Variants in GCN1 observed in about 807,000 individuals in gnomAD.
The protein encoded by GCN1 is stalled ribosome sensor GCN1.
Under a neutral mutation model 288.4 loss-of-function variants are expected in GCN1, and 90 were observed. The observed-to-expected ratio is 0.31, with a 90% CI of 0.26 to 0.37. The LOEUF is 0.37. Ranked by LOEUF, GCN1 falls within the 10% of genes least tolerant of loss-of-function variation. The pLI is 1.00. For missense variants in GCN1, 2,586 were observed against 3,419.9 expected, an observed-to-expected ratio of 0.76 and a Z score of 6.08; for synonymous variants, 1,386 against 1,420.2, an observed-to-expected ratio of 0.98 and a Z score of 0.54.
rs1398896879 is a variant in GCN1 at position 120,144,596 on chromosome 12, C to A, written c.5352+43G>T. 12 of 1,576,924 alleles carry A rather than the reference C, an allele frequency of 7.6e-6. No homozygotes were observed. In the Admixed American group the frequency reaches 2.0e-4, roughly 27 times the overall value. On this transcript the variant is annotated intron_variant, in intron 41 of 57. Transcript: ENST00000300648. The surrounding 1 kb of genome is among the most constrained non-coding windows in gnomAD (Gnocchi z 4.7). ...TCTCCAGGTGAGCACTTGCCTCCTG[C>A]CCTCCTCAAGGACTCTACCCTTGCC...
At chr12:120,165,172 G>A (rs548582723) in intron 16 of GCN1, among the ~76,000 whole-genome samples, 13 of 151,792 alleles carry the variant, frequency 8.6e-5, no homozygotes, top group African/African-American at 1.2e-4. Context: ...TCGGCCTCTC[G>A]AGTAGCTGGG....
At chr12:120,176,437 A>G (rs570154829) in intron 9 of GCN1, among the ~76,000 whole-genome samples, 2 of 152,284 alleles carry the variant, frequency 1.3e-5, no homozygotes, top group South Asian at 4.1e-4. Flanking sequence ...ACATTTTACT[A>G]AGATACACAG....
chr12:120,131,303 C>T lies in GCN1; in HGVS notation c.7445G>A (p.Arg2482Gln), dbSNP rs1413328731. Residue 2482 changes from arginine (R) to glutamine (Q), a missense_variant, in exon 55 of 58, where the codon CGG becomes CAG. Arg to Gln is a conservative substitution (Grantham distance 43, BLOSUM62 1). Around this residue, in one of 8 missense-constraint regions of GCN1, gnomAD observed 355 missense variants for 431.1 expected, o/e 0.82. Transcript: ENST00000300648. ...GGAAAGTGCCAGGCTCCGCCCGTGC[C>T]GAACCATCCAGTCAATGCCGGACAC... The part of the protein sequence containing the change: ...ADVSGIDWMV[R>Q]HGRSLALSVA... 2.5e-6 allele frequency: 4 copies of T among 1,614,066 alleles called. No homozygotes were observed. Among genetic ancestry groups the T allele is most frequent in the Non-Finnish European group, 3.4e-6 (4 of 1,180,026 alleles).
chr12:120,130,422 C>T (rs1025445175), intron 56 of GCN1, among the ~76,000 whole-genome samples: 2 of 152,188 alleles, frequency 1.3e-5, no homozygotes, highest in Admixed American at 6.5e-5. Flanking sequence ...TTCAGAGTCA[C>T]GGGTCAATTT....
chr12:120,169,276 C>CA (rs35819206), intron 15 of GCN1, among the ~76,000 whole-genome samples: 26,595 of 65,562 alleles, frequency 0.41, 5,279 homozygotes, highest in South Asian at 0.55. Flanking sequence ...AACTCCGTCT[C>CA]AAAAAAAAAA....
chr12:120,181,095 G>A (rs1205181408), intron 5 of GCN1, among the ~76,000 whole-genome samples: 3 of 151,994 alleles, frequency 2.0e-5, no homozygotes, highest in Admixed American at 6.6e-5. Context: ...ATATGTACAA[G>A]GTTATTCTTT....
At chr12:120,171,495 T>C (rs906761771) in intron 14 of GCN1, among the ~76,000 whole-genome samples, 1 of 151,906 alleles carries the variant, frequency 6.6e-6, no homozygotes, top group Non-Finnish European at 1.5e-5. Flanking sequence ...CAAGCACATG[T>C]TTTCTTCCCC....
chr12:120,141,124 C>T (rs1279378596), intron 44 of GCN1, 101 bp from the exon 45 acceptor site: 2 of 949,254 alleles, frequency 2.1e-6, no homozygotes, highest in East Asian at 2.4e-5. Context: ...CAGGCTTTAT[C>T]TGAATCACTG....
rs753980058 is a variant in GCN1, at chr12:120,142,578, G to A, written c.5758C>T (p.Arg1920Cys). ...IVVSNTPRTLREILPTLFGLL... is the reference protein window; with the variant it reads ...IVVSNTPRTLCEILPTLFGLL... ...CCAAAGAGAGTGGGTAGGATCTCAC[G>A]CAAGGTGCGGGGGGTATTGGAGACA... Residue 1920 changes from arginine to cysteine, a missense_variant, in exon 44 of 58, where the codon CGT (arginine) becomes TGT (cysteine). Coordinates refer to ENST00000300648, the MANE Select transcript of GCN1 (RefSeq NM_006836.2). The surrounding 1 kb of genome is among the most constrained non-coding windows in gnomAD (Gnocchi z 4.9). The A allele has an allele frequency of 5.0e-6, 8 of 1,614,000 alleles. No individual in the cohort carries two copies. In the East Asian group the frequency reaches 6.7e-5, roughly 13 times the overall value.
chr12:120,162,029 G>A lies in GCN1; in HGVS notation c.2193C>T (p.Ser731=), dbSNP rs779000895. 30 of 1,613,138 alleles carry A rather than the reference G, an allele frequency of 1.9e-5. No homozygotes were observed. Among genetic ancestry groups the A allele is most frequent in the South Asian group, 8.8e-5 (8 of 91,046 alleles). The change falls in exon 21 of 58, where the codon TCC becomes TCT. Residue 731 remains serine, a synonymous_variant. Coordinates refer to ENST00000300648, the MANE Select transcript of GCN1 (RefSeq NM_006836.2). ...QSSMNAMGSL[S]VLSPDRVLPQ... ...GGAGGACCCGGTCCGGCGACAGGACGGAAAGGGAGCCCATGGCATTCATGG... is the reference window on the plus strand; with the variant it reads ...GGAGGACCCGGTCCGGCGACAGGACAGAAAGGGAGCCCATGGCATTCATGG...
At position 120,148,147 on chromosome 12, in the gene GCN1, C is replaced by A. The variant is rs774694086; in HGVS notation, c.4726+20G>T. On this transcript the variant is annotated intron_variant, in intron 37 of 57. Coordinates refer to ENST00000300648, the MANE Select transcript of GCN1 (RefSeq NM_006836.2). ...CGTTGGTGGGAGGTCAGGGCAAGCA[C>A]CCTCACGGGAAAGGCCTACCCAGGA... 2 of 1,594,048 alleles carry A rather than the reference C, an allele frequency of 1.3e-6. No homozygotes were observed. The highest frequency in any genetic ancestry group is 1.7e-6 in the Non-Finnish European group (2 of 1,168,036).
Position 120,162,749 on chromosome 12 carries a change from C to A in GCN1, c.2163+98G>T. On this transcript the variant is annotated intron_variant, in intron 20 of 57. Transcript: ENST00000300648. The stretch of plus-strand genomic sequence containing the variant: ...CCAAGGGTCCAAGCCTACATTTCAT[C>A]CATCTTCACCTGCTTCTTTGAATCC... 3.0e-6 allele frequency: 4 copies of A among 1,321,244 alleles called. No homozygotes were observed. The South Asian group carries it at 5.4e-5, about 18-fold the overall frequency. The allele number at this position is 1,321,244 out of a possible 1,614,324, so 81.8% of individuals were successfully genotyped here. A position where few individuals can be genotyped will look rare whatever the true frequency, so the allele number is the denominator to read the frequency against.
In GCN1 at chr12:120,155,051, CA is replaced by C. The variant is rs1215992141; in HGVS notation, c.3631-12del. ...CACTGGGGGCGGCCGCTGCAACAGA[CA>C]AGTTGGTAAATGCTTTGCAACGGGC... On this transcript the variant is annotated splice_polypyrimidine_tract_variant and intron_variant, in intron 30 of 57. Transcript: ENST00000300648. This position sits in a 1 kb window ranked among gnomAD's most constrained non-coding sequence, Gnocchi z 4.9. 3.1e-6 allele frequency: 5 copies of C among 1,612,190 alleles called. No homozygotes were observed. In the East Asian group the frequency reaches 1.1e-4, roughly 36 times the overall value.
At chr12:120,150,810 G>A (rs1237348958) in intron 34 of GCN1, among the ~76,000 whole-genome samples, 4 of 151,704 alleles carry the variant, frequency 2.6e-5, no homozygotes, top group African/African-American at 4.8e-5. Context: ...GGTGGCGGGC[G>A]CCTGTGGTCC....
At chr12:120,170,606 C>T (rs991129992) in intron 14 of GCN1, among the ~76,000 whole-genome samples, 1 of 151,750 alleles carries the variant, frequency 6.6e-6, no homozygotes, top group African/African-American at 2.4e-5. Context: ...GCTGGGAGTT[C>T]GAGATCAGCC....
intron 57 of GCN1, 81 bp from the exon 58 acceptor site, chr12:120,128,055 A>C: frequency 6.7e-7 from 1 of 1,492,970 alleles, no homozygotes; most frequent in Non-Finnish European, 9.3e-7. Flanking sequence ...GACAAAAATG[A>C]ATGTTAACCC....
At chr12:120,194,605 G>T in intron 1 of GCN1, 75 bp downstream of exon 1, 7 of 1,367,992 alleles carry the variant, frequency 5.1e-6, no homozygotes, top group South Asian at 1.3e-5. Context: ...GCCGAGGAGC[G>T]AGAGGGGCCC....
chr12:120,131,223 C>T lies in GCN1; in HGVS notation c.7525G>A (p.Val2509Ile), dbSNP rs1876808279. 6.2e-7 allele frequency: 1 copy of T among 1,614,086 alleles called. No individual in the cohort carries two copies. The highest frequency in any genetic ancestry group is 8.5e-7 in the Non-Finnish European group (1 of 1,180,022). The change falls in exon 55 of 58, where the codon GTT becomes ATT. Residue 2509 changes from valine to isoleucine, a missense_variant. This residue lies in a region of GCN1 where 355 missense variants were observed against 431.1 expected (regional missense o/e 0.82). Coordinates refer to ENST00000300648, the MANE Select transcript of GCN1 (RefSeq NM_006836.2). ...RLCAGRYSSD[V>I]QEMILSSATA... ...GCACTGCTCAGGATCATTTCCTGAA[C>T]ATCACTGCTATATCTGCCGGCACAA...
At position 120,192,484 on chromosome 12, in the gene GCN1, T is replaced by C. The variant is rs183231899; in HGVS notation, c.19-2084A>G. Among the ~76,000 whole-genome samples, 707 of 152,200 alleles carry C rather than the reference T, an allele frequency of 4.6e-3. 8 individuals are homozygous for C. The highest frequency in any genetic ancestry group is 0.016 in the African/African-American group (668 of 41,520). On this transcript the variant is annotated intron_variant, in intron 1 of 57. Transcript: ENST00000300648. Reference sequence around the variant, plus strand: ...GGCTCACGCCTGTAATCCCAGCACTTTGGGAGGCCAAGGCAGGCAGATCAC... The same window carrying C: ...GGCTCACGCCTGTAATCCCAGCACTCTGGGAGGCCAAGGCAGGCAGATCAC...
Sources: allele counts gnomAD v4.1 joint callset (sites outside exome capture counted in the v4.1 genomes callset), GRCh38; gene constraint gnomAD v4.1.1; regional missense constraint gnomAD v4.1.1; non-coding constraint Gnocchi (gnomAD v3.1); transcripts MANE v1.5; gene names NCBI Gene and HGNC (gene_info 2026-07-23, HGNC 2026-07-21).